DTNA: variants seen among roughly 807,000 people sequenced by gnomAD.
DTNA encodes the protein dystrophin-related protein 3.
Under a neutral mutation model 100.7 loss-of-function variants are expected in DTNA, and 43 were observed. That is an observed-to-expected ratio of 0.43 (90% CI 0.33 to 0.55). The LOEUF is 0.55. Ranked by LOEUF, DTNA falls within the 20% of genes least tolerant of loss-of-function variation. DTNA has a pLI of 0.04. For synonymous variants in DTNA, 349 were observed against 347.9 expected (o/e 1.00, Z -0.04); for missense variants, 798 against 953.9 (o/e 0.84, Z 2.15).
rs1216391605 is a variant in DTNA, at chr18:34,888,730, C to T, written c.*996C>T. 3.9e-5 allele frequency: 38 copies of T among 985,744 alleles called. No individual in the cohort carries two copies. Among genetic ancestry groups the T allele is most frequent in the Non-Finnish European group, 4.3e-5 (36 of 829,958 alleles). 61.1% of individuals were successfully genotyped at this position (985,744 alleles called of 1,614,324 possible). A position where few individuals can be genotyped will look rare whatever the true frequency, so the allele number is the denominator to read the frequency against. On this transcript the variant is annotated 3_prime_UTR_variant, in exon 23 of 23. Coordinates refer to ENST00000444659, the MANE Select transcript of DTNA (RefSeq NM_001386795.1). ...ATCTCTGCTCTTCCATGGTCTTGTT[C>T]CTCTCGTTTTGGCTTTAGGAAGCAT...
At chr18:34,525,609 G>A (rs796572143) in intron 1 of DTNA, among the ~76,000 whole-genome samples, 5 of 152,250 alleles carry the variant, frequency 3.3e-5, no homozygotes, top group African/African-American at 1.2e-4. Context: ...TTAAAGGAGA[G>A]TATATTCCAC....
chr18:34,519,703 C>T (rs1286871958), intron 1 of DTNA, among the ~76,000 whole-genome samples: 2 of 152,060 alleles, frequency 1.3e-5, no homozygotes, highest in African/African-American at 4.8e-5. Flanking sequence ...AAGTCTCATA[C>T]AGAACTGGAA....
rs548152955 is a variant in DTNA at position 34,632,197 on chromosome 18, G to A, written c.-1-123779G>A. Among the ~76,000 whole-genome samples, 3 of 152,142 alleles carry A rather than the reference G, an allele frequency of 2.0e-5. No homozygotes were observed. The East Asian group carries it at 5.8e-4, about 29-fold the overall frequency. ...CCCTTGGCACCAGAAGCAGATTACA[G>A]GACATCATGCTTTTCCTTCTCCTTG... On this transcript the variant is annotated intron_variant, in intron 1 of 19. Transcript: ENST00000283365.
chr18:34,612,084 G>A (rs902936449), intron 1 of DTNA, among the ~76,000 whole-genome samples: 12 of 152,310 alleles, frequency 7.9e-5, no homozygotes, highest in South Asian at 4.1e-4. Flanking sequence ...ACGGGCCACC[G>A]CGCGTGAGCT....
intron 1 of DTNA, among the ~76,000 whole-genome samples, chr18:34,627,686 G>T (rs2057512564): frequency 6.6e-6 from 1 of 152,114 alleles, no homozygotes. Flanking sequence ...GGAACATGGT[G>T]ATCAACCTTG....
At chr18:34,560,229 C>T (rs941951652) in intron 1 of DTNA, among the ~76,000 whole-genome samples, 1 of 152,124 alleles carries the variant, frequency 6.6e-6, no homozygotes, top group African/African-American at 2.4e-5. Context: ...TGTAGCAGAC[C>T]ACAAACTCCT....
At chr18:34,858,698 G>A (rs1200340329) in intron 16 of DTNA, among the ~76,000 whole-genome samples, 1 of 152,186 alleles carries the variant, frequency 6.6e-6, no homozygotes, top group Non-Finnish European at 1.5e-5. Context: ...TGCAACCTCT[G>A]CCTTCCAGGT....
Position 34,521,166 on chromosome 18 carries a change from C to T in DTNA, c.-2+27652C>T, listed in dbSNP as rs146469799. On this transcript the variant is annotated intron_variant, in intron 1 of 19. Transcript: ENST00000283365. ...ATACATGCTCCTCCTCCAGGCTTCC[C>T]TCATCCCAGTATGTTTCCAGCAGTC... Among the ~76,000 whole-genome samples the T allele has an allele frequency of 3.1e-4, 47 of 152,246 alleles. 1 individual carries two copies. The East Asian group carries it at 7.9e-3, about 26-fold the overall frequency.
intron 15 of DTNA, 38 bp from the exon 16 acceptor site, chr18:34,858,247 A>T: frequency 6.9e-6 from 11 of 1,600,626 alleles, no homozygotes; most frequent in Non-Finnish European, 9.4e-6. Context: ...CTGAAAGCTA[A>T]CTAACCTTGG....
intron 17 of DTNA, among the ~76,000 whole-genome samples, chr18:34,864,379 G>A (rs1037817144): frequency 6.7e-6 from 1 of 150,158 alleles, no homozygotes; most frequent in Non-Finnish European, 1.5e-5. Flanking sequence ...GCCCCCCGCC[G>A]AGTAGCTGGG....
chr18:34,872,339 G>C (rs995729501), intron 17 of DTNA, among the ~76,000 whole-genome samples: 1 of 152,136 alleles, frequency 6.6e-6, no homozygotes, highest in African/African-American at 2.4e-5. Flanking sequence ...GGAGCCCCCA[G>C]CACCCTGGAG....
intron 1 of DTNA, among the ~76,000 whole-genome samples, chr18:34,600,434 T>C (rs1043081678): frequency 5.3e-5 from 8 of 152,220 alleles, no homozygotes; most frequent in African/African-American, 1.7e-4. Flanking sequence ...TTTGTACTCA[T>C]TCCTATATAG....
At chr18:34,641,198 T>A (rs1240001077) in intron 1 of DTNA, among the ~76,000 whole-genome samples, 1 of 152,170 alleles carries the variant, frequency 6.6e-6, no homozygotes, top group Admixed American at 6.5e-5. Flanking sequence ...ATCTCAAAGA[T>A]CTACAAGAAC....
At chr18:34,799,740 C>A (rs951168989) in intron 4 of DTNA, among the ~76,000 whole-genome samples, 7 of 152,178 alleles carry the variant, frequency 4.6e-5, no homozygotes, top group African/African-American at 1.7e-4. Context: ...ATTTTCACAG[C>A]TGTAGATACA....
intron 1 of DTNA, among the ~76,000 whole-genome samples, chr18:34,555,292 G>T (rs1165082064): frequency 6.7e-6 from 1 of 148,278 alleles, no homozygotes; most frequent in African/African-American, 2.6e-5. Context: ...CTTGCTAGCG[G>T]TCTATCAGTT....
chr18:34,675,125 A>G (rs781240150), intron 1 of DTNA, among the ~76,000 whole-genome samples: 1 of 152,158 alleles, frequency 6.6e-6, no homozygotes, highest in East Asian at 1.9e-4. Context: ...CCTGGGTACT[A>G]TCAACATTTT....
intron 1 of DTNA, among the ~76,000 whole-genome samples, chr18:34,686,104 T>A (rs1260479115): frequency 6.6e-6 from 1 of 152,228 alleles, no homozygotes; most frequent in African/African-American, 2.4e-5. Flanking sequence ...TTTGACTTCC[T>A]GTCTTCCTAT....
chr18:34,702,805 C>T (rs954282485), intron 1 of DTNA, among the ~76,000 whole-genome samples: 5 of 152,022 alleles, frequency 3.3e-5, no homozygotes, highest in Non-Finnish European at 7.4e-5. Flanking sequence ...AAAAAAAGAG[C>T]AATCATAAAG....
intron 17 of DTNA, among the ~76,000 whole-genome samples, chr18:34,869,185 C>T (rs1473296464): frequency 2.0e-5 from 3 of 152,072 alleles, no homozygotes; most frequent in African/African-American, 4.8e-5. Context: ...TTGATAGATA[C>T]TGGATGTGAA....
Sources: gnomAD v4.1 joint callset for allele counts (sites outside exome capture counted in the v4.1 genomes callset) on GRCh38, gnomAD v4.1.1 for gene constraint, MANE v1.5 for transcripts, NCBI Gene and HGNC (gene_info 2026-07-23, HGNC 2026-07-21) for gene names.